The following RBPJ variants were observed in gnomAD, a reference collection of about 807,000 sequenced individuals.
The protein encoded by RBPJ is recombination signal binding protein for immunoglobulin kappa J region.
A neutral mutation model predicts 67.8 loss-of-function variants in RBPJ; 9 were observed. The observed-to-expected ratio is 0.13, with a 90% CI of 0.08 to 0.23. The LOEUF (loss-of-function observed/expected upper bound fraction) is 0.23. Ranked by LOEUF, RBPJ falls within the 10% of genes least tolerant of loss-of-function variation. The probability of loss-of-function intolerance (pLI) is 1.00; values close to 1 mark genes in which losing one functional copy is unlikely to be tolerated. For missense variants in RBPJ, 305 were observed against 595.6 expected, an observed-to-expected ratio of 0.51 and a Z score of 5.08; for synonymous variants, 198 against 203.3, an observed-to-expected ratio of 0.97 and a Z score of 0.22.
Position 26,197,975 on chromosome 4 carries a change from G to A in RBPJ, c.-167+34361G>A, listed in dbSNP as rs117356401. 3.0e-3 allele frequency among the ~76,000 whole-genome samples: 462 copies of A among 152,068 alleles called. 4 individuals carry two copies. The East Asian group carries it at 0.041, about 14-fold the overall frequency. On this transcript the variant is annotated intron_variant, in intron 1 of 4. Coordinates refer to the RBPJ transcript ENST00000512351. The stretch of plus-strand genomic sequence containing the variant: ...TCATTATAATACTATGAGGCAGGCC[G>A]GGCGCAGTGGCTCACTTCACACCTG...
At chr4:26,398,154 A>G (rs1732351847) in intron 2 of RBPJ, among the ~76,000 whole-genome samples, 1 of 152,152 alleles carries the variant, frequency 6.6e-6, no homozygotes, top group African/African-American at 2.4e-5. Flanking sequence ...GACAGAGTTC[A>G]TTTTGGACTT....
chr4:26,201,294 G>A (rs1247713883), intron 1 of RBPJ, among the ~76,000 whole-genome samples: 1 of 152,148 alleles, frequency 6.6e-6, no homozygotes, highest in Non-Finnish European at 1.5e-5. Flanking sequence ...TTAGGATGTT[G>A]GAGACGGAAA....
chr4:26,218,114 G>A lies in RBPJ; in HGVS notation c.-167+54500G>A, dbSNP rs999040005. ...CACTTCACATTGTTTCTCATTGTGT[G>A]ACCTTGAGCAAACCCAGGGCCACAG... On this transcript the variant is annotated intron_variant, in intron 1 of 4. Transcript: ENST00000512351. 2.6e-5 allele frequency among the ~76,000 whole-genome samples: 4 copies of A among 152,188 alleles called. No individual in the cohort carries two copies. In the East Asian group the frequency reaches 7.7e-4, roughly 29 times the overall value.
At position 26,279,476 on chromosome 4, in the gene RBPJ, T is replaced by A. The variant is rs531994494; in HGVS notation, c.-166-82970T>A. 3.7e-4 allele frequency among the ~76,000 whole-genome samples: 56 copies of A among 152,200 alleles called. 1 individual carries two copies. Among genetic ancestry groups the A allele is most frequent in the Non-Finnish European group, 5.9e-4 (40 of 67,994 alleles). On this transcript the variant is annotated intron_variant, in intron 1 of 4. Transcript: ENST00000512351. ...TTGTATTTTTAGAGACGGGCTTTCA[T>A]CATGTTGGCCACGATGGTCTCAATC...
upstream of RBPJ, among the ~76,000 whole-genome samples, chr4:26,159,192 T>C (rs1716032816): frequency 6.6e-6 from 1 of 152,138 alleles, no homozygotes. Context: ...GACACTTTCA[T>C]GTATAAGATC....
At chr4:26,234,994 T>A (rs1336608660) in intron 1 of RBPJ, among the ~76,000 whole-genome samples, 1 of 152,092 alleles carries the variant, frequency 6.6e-6, no homozygotes. Context: ...GCCCGGCCTG[T>A]TTCTCAACTA....
chr4:26,384,968 C>CCCTCCCCTCTCT (rs1560311768), intron 1 of RBPJ, among the ~76,000 whole-genome samples: 12 of 40,008 alleles, frequency 3.0e-4, no homozygotes, highest in Non-Finnish European at 4.8e-4. Context: ...CTCCCCTCTC[C>CCCTCCCCTCTCT]CCTCCCCTCT....
chr4:26,178,227 C>T (rs750575377), intron 1 of RBPJ, among the ~76,000 whole-genome samples: 5 of 152,200 alleles, frequency 3.3e-5, no homozygotes, highest in Admixed American at 6.5e-5. Flanking sequence ...CTCTGAAGAG[C>T]AGGTGTCTTC....
chr4:26,191,208 T>A (rs371650603), intron 1 of RBPJ, among the ~76,000 whole-genome samples: 2 of 27,242 alleles, frequency 7.3e-5, no homozygotes, highest in East Asian at 1.8e-3. Context: ...TATATATATA[T>A]ATAGAGAGAG....
Position 26,194,846 on chromosome 4 carries a change from T to C in RBPJ, c.-167+31232T>C, listed in dbSNP as rs530483696. Among the ~76,000 whole-genome samples, 13 of 152,300 alleles carry C rather than the reference T, an allele frequency of 8.5e-5. No homozygotes were observed. The South Asian group carries it at 2.7e-3, about 32-fold the overall frequency. On this transcript the variant is annotated intron_variant, in intron 1 of 4. Coordinates refer to the RBPJ transcript ENST00000512351. Reference sequence around the variant, plus strand: ...AGTGGTCCTGAAGTCTCTGCTGCCCTGGTTTTGCACACCCTCCTAACCATA... The same window carrying C: ...AGTGGTCCTGAAGTCTCTGCTGCCCCGGTTTTGCACACCCTCCTAACCATA...
intron 1 of RBPJ, among the ~76,000 whole-genome samples, chr4:26,314,143 A>G (rs917622371): frequency 6.6e-6 from 1 of 152,190 alleles, no homozygotes; most frequent in East Asian, 1.9e-4. Context: ...AAGTATATAT[A>G]TATCACTGTT....
At chr4:26,391,466 C>A (rs1455674650) in intron 2 of RBPJ, among the ~76,000 whole-genome samples, 1 of 151,998 alleles carries the variant, frequency 6.6e-6, no homozygotes, top group South Asian at 2.1e-4. Context: ...ACCCACCCCC[C>A]ACACACAAAG....
rs149393586 is a variant in RBPJ at position 26,213,475 on chromosome 4, G to C, written c.-167+49861G>C. ...GTCATAAAAGAGCATTCCTAACAGA[G>C]GACACAGTAGATGCAAATGCCCTGA... On this transcript the variant is annotated intron_variant, in intron 1 of 4. Transcript: ENST00000512351. Among the ~76,000 whole-genome samples, 238 of 152,274 alleles carry C rather than the reference G, an allele frequency of 1.6e-3. 1 individual carries two copies. Among genetic ancestry groups the C allele is most frequent in the African/African-American group, 5.5e-3 (228 of 41,554 alleles).
the RBPJ span, among the ~76,000 whole-genome samples, chr4:26,128,922 C>T: frequency 1.3e-5 from 2 of 152,178 alleles, no homozygotes; most frequent in Non-Finnish European, 2.9e-5. Context: ...GTAAGATGTG[C>T]CTTTCACCTT....
chr4:26,188,143 A>G (rs894941511), intron 1 of RBPJ, among the ~76,000 whole-genome samples: 2 of 152,196 alleles, frequency 1.3e-5, no homozygotes, highest in Non-Finnish European at 2.9e-5. Context: ...CAGGAGGTGA[A>G]GGTTGCAGTG....
chr4:26,202,093 T>C (rs6838818), intron 1 of RBPJ, among the ~76,000 whole-genome samples: 139,680 of 152,242 alleles, frequency 0.92, 64,215 homozygotes, highest in Middle Eastern at 0.99. Context: ...GATTCCTCCT[T>C]GTCTTCTCTC....
chr4:26,249,067 A>T (rs192293592), intron 1 of RBPJ, among the ~76,000 whole-genome samples: 1 of 152,310 alleles, frequency 6.6e-6, no homozygotes, highest in Admixed American at 6.5e-5. Flanking sequence ...TGCCTAGCAC[A>T]GTGCCTTGTA....
chr4:26,380,618 A>G (rs1468390269), intron 1 of RBPJ, among the ~76,000 whole-genome samples: 3 of 152,084 alleles, frequency 2.0e-5, no homozygotes, highest in Admixed American at 6.6e-5. Flanking sequence ...CCTTGGGGGT[A>G]TGGATCAGGT....
At chr4:26,325,696 T>C (rs1723553174) in intron 1 of RBPJ, among the ~76,000 whole-genome samples, 1 of 152,214 alleles carries the variant, frequency 6.6e-6, no homozygotes, top group East Asian at 1.9e-4. Context: ...ATTTCATCTG[T>C]CTCTTCTCCA....
Sources: allele counts gnomAD v4.1 joint callset (sites outside exome capture counted in the v4.1 genomes callset), GRCh38; gene constraint gnomAD v4.1.1; transcripts MANE v1.5; gene names NCBI Gene and HGNC (gene_info 2026-07-23, HGNC 2026-07-21).